RBFOX1: variants seen among roughly 807,000 people sequenced by gnomAD.
RBFOX1 encodes RNA binding protein fox-1 homolog 1.
RBFOX1 carries 8 observed loss-of-function variants against 57.7 expected under a neutral mutation model. The observed-to-expected ratio is 0.14, with a 90% CI of 0.08 to 0.25. The LOEUF is 0.25. RBFOX1 is among the 10% of genes least tolerant of loss of function. RBFOX1 has a pLI of 1.00. For missense variants in RBFOX1, 611 were observed against 548.5 expected (o/e 1.11, Z -1.14); for synonymous variants, 326 against 222.4 (o/e 1.47, Z -4.15).
intron 2 of RBFOX1, among the ~76,000 whole-genome samples, chr16:6,365,268 G>A (rs2089374064): frequency 6.6e-6 from 1 of 151,808 alleles, no homozygotes. Flanking sequence ...GGGGGGATAG[G>A]TGGATGGATG....
At chr16:5,381,988 C>A (rs1233521362) in intron 1 of RBFOX1, among the ~76,000 whole-genome samples, 1 of 152,212 alleles carries the variant, frequency 6.6e-6, no homozygotes, top group Non-Finnish European at 1.5e-5. Flanking sequence ...ACTCAGTGGA[C>A]GTCAGTAGCA....
intron 3 of RBFOX1, among the ~76,000 whole-genome samples, chr16:6,867,480 G>C (rs553589042): frequency 6.6e-6 from 1 of 151,968 alleles, no homozygotes; most frequent in Admixed American, 6.6e-5. Flanking sequence ...GCACTTTGGG[G>C]GGCCGAGACA....
chr16:6,926,968 C>T (rs1478490795), intron 3 of RBFOX1, among the ~76,000 whole-genome samples: 5 of 152,098 alleles, frequency 3.3e-5, no homozygotes, highest in Admixed American at 6.5e-5. Flanking sequence ...CTTACTCAGG[C>T]CTCTGCCAGC....
intron 3 of RBFOX1, among the ~76,000 whole-genome samples, chr16:5,856,085 T>A (rs891148771): frequency 6.9e-6 from 1 of 144,286 alleles, no homozygotes; most frequent in Non-Finnish European, 1.5e-5. Context: ...GTATGTGGAT[T>A]TTGTATCCTG....
intron 2 of RBFOX1, among the ~76,000 whole-genome samples, chr16:6,450,767 G>GTGTGTATA (rs1345156914): frequency 2.9e-5 from 1 of 34,122 alleles, no homozygotes; most frequent in African/African-American, 1.3e-4. Flanking sequence ...ATATATATGT[G>GTGTGTATA]TATATATATA....
intron 2 of RBFOX1, among the ~76,000 whole-genome samples, chr16:5,527,682 C>A (rs143950119): frequency 6.6e-6 from 1 of 152,234 alleles, no homozygotes; most frequent in Non-Finnish European, 1.5e-5. Flanking sequence ...TGTGCTTGAG[C>A]TGCAGACTTA....
chr16:7,094,468 T>A (rs2061363960), intron 4 of RBFOX1, among the ~76,000 whole-genome samples: 1 of 152,134 alleles, frequency 6.6e-6, no homozygotes, highest in Non-Finnish European at 1.5e-5. Flanking sequence ...CAATGCTATT[T>A]CAAGTGGTTC....
chr16:7,216,680 C>T (rs1367410229), intron 4 of RBFOX1, among the ~76,000 whole-genome samples: 1 of 151,832 alleles, frequency 6.6e-6, no homozygotes, highest in Non-Finnish European at 1.5e-5. Flanking sequence ...ATTAAAAAAC[C>T]CACAAACAAA....
At chr16:5,602,827 A>G (rs1487357680), downstream of RBFOX1, among the ~76,000 whole-genome samples, 2 of 152,204 alleles carry the variant, frequency 1.3e-5, no homozygotes, top group South Asian at 4.1e-4. Flanking sequence ...TAATAATAGT[A>G]CTAATACTAG....
At chr16:5,966,045 C>T (rs17138987) in intron 4 of RBFOX1, among the ~76,000 whole-genome samples, 4,655 of 152,214 alleles carry the variant, frequency 0.031, 244 homozygotes, top group African/African-American at 0.11. Flanking sequence ...CCTTATTTTT[C>T]GTCTGTGCTT....
chr16:5,772,162 A>T (rs185491282), intron 3 of RBFOX1, among the ~76,000 whole-genome samples: 328 of 152,246 alleles, frequency 2.2e-3, no homozygotes, highest in Non-Finnish European at 2.7e-3. Context: ...ACAGAGCAAG[A>T]CTCTGTCTAA....
intron 1 of RBFOX1, among the ~76,000 whole-genome samples, chr16:5,283,292 T>G (rs2063315630): frequency 6.6e-6 from 1 of 152,140 alleles, no homozygotes; most frequent in African/African-American, 2.4e-5. Context: ...GGAAGGGAAA[T>G]GTGGGGTCGG....
At chr16:6,941,834 C>A (rs1388429044) in intron 3 of RBFOX1, among the ~76,000 whole-genome samples, 1 of 151,800 alleles carries the variant, frequency 6.6e-6, no homozygotes, top group Non-Finnish European at 1.5e-5. Flanking sequence ...GCTTTTTTTT[C>A]CCCCTAACTC....
At chr16:7,094,368 T>A (rs2061348480) in intron 4 of RBFOX1, among the ~76,000 whole-genome samples, 1 of 151,846 alleles carries the variant, frequency 6.6e-6, no homozygotes, top group South Asian at 2.1e-4. Flanking sequence ...CCCATTGTCT[T>A]CCATTTATTA....
chr16:6,526,136 A>G (rs1054517795), intron 2 of RBFOX1, among the ~76,000 whole-genome samples: 8 of 152,318 alleles, frequency 5.3e-5, no homozygotes, highest in African/African-American at 1.9e-4. Flanking sequence ...TTTACTTGAA[A>G]TGCAATTCAA....
chr16:6,886,011 G>A (rs1044511777), intron 3 of RBFOX1, among the ~76,000 whole-genome samples: 3 of 151,510 alleles, frequency 2.0e-5, no homozygotes, highest in East Asian at 1.9e-4. Context: ...AGTTATTAAC[G>A]AGATTTCATG....
rs17140964 is a variant in RBFOX1, at chr16:6,698,921, T to C, written c.-16+44271T>C. Among the ~76,000 whole-genome samples, 1,170 of 152,312 alleles carry C rather than the reference T, an allele frequency of 7.7e-3. 18 individuals are homozygous for C. Among genetic ancestry groups the C allele is most frequent in the African/African-American group, 0.026 (1,096 of 41,558 alleles). On this transcript the variant is annotated intron_variant, in intron 3 of 15. Transcript: ENST00000550418. ...CCCCCTTATTCATAAAAGAGGCATATTGAATGTGTCCATAGCGTACGAAGA... is the reference window on the plus strand; with the variant it reads ...CCCCCTTATTCATAAAAGAGGCATACTGAATGTGTCCATAGCGTACGAAGA...
At chr16:7,296,427 T>A (rs2095891863) in intron 4 of RBFOX1, among the ~76,000 whole-genome samples, 1 of 152,168 alleles carries the variant, frequency 6.6e-6, no homozygotes, top group Non-Finnish European at 1.5e-5. Context: ...ATTTTTAAAC[T>A]TTTCTTGGAA....
chr16:5,468,209 A>G (rs1348766255), intron 2 of RBFOX1, among the ~76,000 whole-genome samples: 1 of 152,210 alleles, frequency 6.6e-6, no homozygotes, highest in African/African-American at 2.4e-5. Flanking sequence ...ACATAGCATA[A>G]TATTAGCCAT....
Sources: allele counts gnomAD v4.1 joint callset (sites outside exome capture counted in the v4.1 genomes callset), GRCh38; gene constraint gnomAD v4.1.1; transcripts MANE v1.5; gene names NCBI Gene and HGNC (gene_info 2026-07-23, HGNC 2026-07-21).